The following ANKFN1 variants were observed in gnomAD, a reference collection of about 807,000 sequenced individuals.
ANKFN1 encodes ankyrin repeat and fibronectin type III domain containing 1, also known as ankyrin repeat and fibronectin type-III domain-containing protein 1.
Under a neutral mutation model 108.7 loss-of-function variants are expected in ANKFN1, and 74 were observed. The ratio of observed to expected loss-of-function variants is 0.68; its 90% confidence interval spans 0.56 to 0.83. The LOEUF is 0.83. Ranked by LOEUF, ANKFN1 falls within the 40% of genes least tolerant of loss-of-function variation. The probability of loss-of-function intolerance (pLI) is 0.00; values close to 1 mark genes in which losing one functional copy is unlikely to be tolerated. For missense variants in ANKFN1, 1,505 were observed against 1,382.3 expected (o/e 1.09, Z -1.41); for synonymous variants, 547 against 516.2 (o/e 1.06, Z -0.81).
In ANKFN1 at chr17:56,446,962, C is replaced by A. The variant is rs371002103; in HGVS notation, c.1100-2117C>A. Among the ~76,000 whole-genome samples, 38 of 151,832 alleles carry A rather than the reference C, an allele frequency of 2.5e-4. 1 individual carries two copies. In the East Asian group the frequency reaches 5.3e-3, roughly 21 times the overall value. Reference sequence around the variant, plus strand: ...TAGGCCAGGCCAACAGTGGCTCATGCCTGTAGTCCTAGCACTTTGGGAAGC... The same window carrying A: ...TAGGCCAGGCCAACAGTGGCTCATGACTGTAGTCCTAGCACTTTGGGAAGC... On this transcript the variant is annotated intron_variant, in intron 10 of 20. Coordinates refer to ENST00000682825, the MANE Select transcript of ANKFN1 (RefSeq NM_001370326.1).
At chr17:56,143,899 C>G (rs562198252) in intron 4 of ANKFN1, among the ~76,000 whole-genome samples, 1 of 152,252 alleles carries the variant, frequency 6.6e-6, no homozygotes, top group African/African-American at 2.4e-5. Context: ...CCAGAAAGAA[C>G]CAACCTTGCT....
At chr17:56,484,514 T>A (rs1185674571) in intron 18 of ANKFN1, among the ~76,000 whole-genome samples, 1 of 152,134 alleles carries the variant, frequency 6.6e-6, no homozygotes, top group Non-Finnish European at 1.5e-5. Flanking sequence ...TTATCAGAAG[T>A]AAGGAAATCA....
At chr17:56,318,245 G>T (rs78550620) in intron 3 of ANKFN1, among the ~76,000 whole-genome samples, 2,265 of 152,170 alleles carry the variant, frequency 0.015, 78 homozygotes, top group African/African-American at 0.052. Context: ...GTTCTGGGGG[G>T]GGTGTGCTGG....
chr17:56,227,644 G>T (rs1184601047), intron 2 of ANKFN1, among the ~76,000 whole-genome samples: 2 of 152,092 alleles, frequency 1.3e-5, no homozygotes, highest in Non-Finnish European at 2.9e-5. Flanking sequence ...GGGAGACAAA[G>T]TGAGCATCAA....
intron 8 of ANKFN1, among the ~76,000 whole-genome samples, chr17:56,426,293 C>A (rs202170352): frequency 6.6e-6 from 1 of 152,328 alleles, no homozygotes; most frequent in South Asian, 2.1e-4. Context: ...CAGTCAGTGA[C>A]CTCTTTTGAA....
At chr17:56,222,920 T>C (rs2143877515) in intron 2 of ANKFN1, among the ~76,000 whole-genome samples, 1 of 152,318 alleles carries the variant, frequency 6.6e-6, no homozygotes, top group African/African-American at 2.4e-5. Flanking sequence ...TGCTTGGTCA[T>C]TACAAGCCCA....
intron 8 of ANKFN1, among the ~76,000 whole-genome samples, chr17:56,421,662 G>C (rs1420579467): frequency 1.3e-5 from 2 of 152,204 alleles, no homozygotes; most frequent in Non-Finnish European, 2.9e-5. Context: ...AGACTTTCTA[G>C]AGGTCCACAG....
In ANKFN1 at chr17:56,511,880, C is replaced by T. The variant is rs747426486; in HGVS notation, c.*611C>T. 1.3e-5 allele frequency among the ~76,000 whole-genome samples: 2 copies of T among 152,144 alleles called. No homozygotes were observed. Among genetic ancestry groups the T allele is most frequent in the South Asian group, 4.2e-4 (2 of 4,816 alleles). On this transcript the variant is annotated 3_prime_UTR_variant, in exon 21 of 21. Coordinates refer to ENST00000682825, the MANE Select transcript of ANKFN1 (RefSeq NM_001370326.1). ...ATCAGTACTTATCTGATTAAATAGG[C>T]CTTGACAGGCCTTTTTTTCTTCGTA...
At chr17:56,221,706 A>G (rs1915905672) in intron 2 of ANKFN1, among the ~76,000 whole-genome samples, 2 of 152,216 alleles carry the variant, frequency 1.3e-5, no homozygotes, top group South Asian at 2.1e-4. Context: ...GCGATTTCGA[A>G]CACAGTTATC....
chr17:56,124,583 T>A (rs1906814800), intron 4 of ANKFN1, among the ~76,000 whole-genome samples: 2 of 152,202 alleles, frequency 1.3e-5, no homozygotes, highest in Admixed American at 1.3e-4. Context: ...AACCCTCTTG[T>A]TCAGGACCCC....
intron 4 of ANKFN1, among the ~76,000 whole-genome samples, chr17:56,124,416 G>A (rs1390474833): frequency 1.3e-5 from 2 of 152,182 alleles, no homozygotes; most frequent in South Asian, 2.1e-4. Context: ...TCAAGCTGCA[G>A]CTTCTTTGAG....
chr17:56,356,517 T>G (rs997651819), intron 6 of ANKFN1, among the ~76,000 whole-genome samples: 3 of 152,148 alleles, frequency 2.0e-5, no homozygotes, highest in African/African-American at 7.2e-5. Flanking sequence ...GATCCTTGTA[T>G]CAGAAAATTT....
intron 1 of ANKFN1, 31 bp downstream of exon 1, chr17:56,153,561 A>G (rs760536324): frequency 1.9e-6 from 3 of 1,613,206 alleles, no homozygotes; most frequent in Non-Finnish European, 2.5e-6. Flanking sequence ...AATATCGGTA[A>G]TTGGTGTTTG....
chr17:56,352,883 C>T (rs957283346), intron 5 of ANKFN1, among the ~76,000 whole-genome samples: 3 of 152,046 alleles, frequency 2.0e-5, no homozygotes, highest in Admixed American at 2.0e-4. Context: ...CTGGGGGAGA[C>T]CAAGACTAGC....
upstream of ANKFN1, among the ~76,000 whole-genome samples, chr17:56,148,560 A>G (rs1196677035): frequency 6.6e-6 from 1 of 152,144 alleles, no homozygotes; most frequent in East Asian, 1.9e-4. Flanking sequence ...TTACAAGGGG[A>G]CCTGCAGGGA....
At chr17:56,249,442 A>T (rs1333900291) in intron 3 of ANKFN1, among the ~76,000 whole-genome samples, 4 of 144,678 alleles carry the variant, frequency 2.8e-5, no homozygotes, top group South Asian at 4.4e-4. Flanking sequence ...TCAAAAAAAT[A>T]AAAAAAAAAA....
rs779025797 is a variant in ANKFN1 at position 56,391,321 on chromosome 17, C to CAT, written c.910+16620_910+16621dup. Among the ~76,000 whole-genome samples the CAT allele has an allele frequency of 6.1e-4, 73 of 119,980 alleles. 1 individual carries two copies. The highest frequency in any genetic ancestry group is 4.4e-3 in the Middle Eastern group (1 of 226). 78.7% of individuals were successfully genotyped at this position (119,980 alleles called of 152,430 possible). ...CACACAGTCTCGCTCTGTGTGTGTA[C>CAT]ATATATATATATATGTATTCTTGAA... On this transcript the variant is annotated intron_variant, in intron 8 of 20. Coordinates refer to ENST00000682825, the MANE Select transcript of ANKFN1 (RefSeq NM_001370326.1).
chr17:56,429,925 T>C (rs1488108784), intron 8 of ANKFN1, among the ~76,000 whole-genome samples: 3 of 152,204 alleles, frequency 2.0e-5, no homozygotes, highest in African/African-American at 7.2e-5. Flanking sequence ...ACGTAAATCA[T>C]TATAATATGA....
intron 16 of ANKFN1, among the ~76,000 whole-genome samples, chr17:56,478,281 T>C (rs992459411): frequency 9.2e-5 from 14 of 152,218 alleles, no homozygotes; most frequent in Admixed American, 9.2e-4. Context: ...AGCTGACCTT[T>C]TCTTTCAACA....
Sources: gnomAD v4.1 joint callset for allele counts (sites outside exome capture counted in the v4.1 genomes callset) on GRCh38, gnomAD v4.1.1 for gene constraint, MANE v1.5 for transcripts, NCBI Gene and HGNC (gene_info 2026-07-23, HGNC 2026-07-21) for gene names.